Variants in PLEKHA8 observed in about 807,000 individuals in gnomAD.
PLEKHA8 encodes the protein pleckstrin homology domain containing A8.
In PLEKHA8, 36 loss-of-function variants were observed where a neutral mutation model predicts 68.2. The ratio of observed to expected loss-of-function variants is 0.53; its 90% CI spans 0.40 to 0.70. The LOEUF is 0.70. PLEKHA8 is among the 30% of genes least tolerant of loss of function. PLEKHA8 has a pLI of 0.00. For synonymous variants in PLEKHA8, 211 were observed against 216.1 expected, an observed-to-expected ratio of 0.98 and a Z score of 0.20; for missense variants, 505 against 615.4, an observed-to-expected ratio of 0.82 and a Z score of 1.90.
At chr7:30,075,438 A>T (rs897045914) in intron 13 of PLEKHA8, among the ~76,000 whole-genome samples, 13 of 152,148 alleles carry the variant, frequency 8.5e-5, no homozygotes, top group African/African-American at 3.1e-4. Context: ...AATTCTCAGG[A>T]TTAACTCCCA....
chr7:30,038,543 T>A (rs987828086), intron 1 of PLEKHA8, among the ~76,000 whole-genome samples: 1 of 152,164 alleles, frequency 6.6e-6, no homozygotes, highest in Non-Finnish European at 1.5e-5. Context: ...AAAGGAGTAA[T>A]ACAAGGGAAT....
At chr7:30,053,536 G>A (rs942058664) in intron 7 of PLEKHA8, among the ~76,000 whole-genome samples, 1 of 152,180 alleles carries the variant, frequency 6.6e-6, no homozygotes, top group Admixed American at 6.5e-5. Flanking sequence ...GGAAGGAGCT[G>A]TGTATTCTTA....
intron 6 of PLEKHA8, 61 bp from the exon 7 acceptor site, chr7:30,052,640 CAAAAAAAA>C (rs75714651): frequency 1.3e-4 from 142 of 1,066,756 alleles, no homozygotes; most frequent in Admixed American, 2.0e-4. Context: ...GACCCTGTTT[CAAAAAAAA>C]AAAAAAAAAA....
intron 1 of PLEKHA8, among the ~76,000 whole-genome samples, chr7:30,030,728 C>A (rs1346045691): frequency 1.3e-5 from 2 of 152,322 alleles, no homozygotes; most frequent in East Asian, 1.9e-4. Context: ...TCGGCATATT[C>A]TCTCCTTTTA....
intron 1 of PLEKHA8, among the ~76,000 whole-genome samples, chr7:30,029,417 ATGC>A (rs1177010382): frequency 5.3e-5 from 8 of 152,204 alleles, no homozygotes; most frequent in Non-Finnish European, 1.2e-4. Context: ...CGTTAAATGA[ATGC>A]AAATATTTGC....
At chr7:30,062,080 C>A in intron 11 of PLEKHA8, 53 bp downstream of exon 11, 1 of 1,560,554 alleles carries the variant, frequency 6.4e-7, no homozygotes, top group Non-Finnish European at 8.6e-7. Context: ...AAAAAATTAC[C>A]AGCAAAAAAA....
rs184932713 is a variant in PLEKHA8, at chr7:30,107,765, T to G, written c.1363-21501T>G. Among the ~76,000 whole-genome samples, 118 of 151,772 alleles carry G rather than the reference T, an allele frequency of 7.8e-4. 1 individual carries two copies. The highest frequency in any genetic ancestry group is 2.6e-3 in the African/African-American group (106 of 41,064). On this transcript the variant is annotated intron_variant, in intron 13 of 13. Coordinates refer to the PLEKHA8 transcript ENST00000396257. ...GTGATATTAATTATGAAGCAATGTT[T>G]AATATTACAAAAAAATTTTCTAACT...
intron 1 of PLEKHA8, among the ~76,000 whole-genome samples, chr7:30,043,038 C>T (rs1167101139): frequency 7.3e-6 from 1 of 137,828 alleles, no homozygotes; most frequent in Non-Finnish European, 1.6e-5. Flanking sequence ...AGGTCTCACT[C>T]TCACTCAGGT....
At position 30,081,927 on chromosome 7, in the gene PLEKHA8, A is replaced by G. The variant is rs1794951833; in HGVS notation, c.*3140A>G. 1.0e-6 allele frequency: 1 copy of G among 970,568 alleles called. No individual in the cohort carries two copies. Among genetic ancestry groups the G allele is most frequent in the Non-Finnish European group, 1.2e-6 (1 of 816,588 alleles). The allele number at this position is 970,568 out of a possible 1,614,324, so 60.1% of individuals were successfully genotyped here. A position where few individuals can be genotyped will look rare whatever the true frequency, so the allele number is the denominator to read the frequency against. ...GGCAAGTCTCTTGACTTTTGAAAGC[A>G]AGTCAGATTCCTTATAGCTAATGCT... On this transcript the variant is annotated 3_prime_UTR_variant, in exon 14 of 14. Transcript: ENST00000449726.
chr7:30,078,561 G>A, intron 13 of PLEKHA8, 29 bp from the exon 14 acceptor site: 3 of 1,610,632 alleles, frequency 1.9e-6, no homozygotes, highest in Non-Finnish European at 2.5e-6. Flanking sequence ...CAGACTTGAT[G>A]CAGATTCTCA....
downstream of PLEKHA8, among the ~76,000 whole-genome samples, chr7:30,087,128 G>A (rs1179315722): frequency 1.3e-4 from 20 of 152,170 alleles, no homozygotes. Flanking sequence ...CCAGCTTGTT[G>A]GAAAGGTTTT....
chr7:30,089,699 A>G (rs932717294), intron 12 of PLEKHA8, among the ~76,000 whole-genome samples: 2 of 152,182 alleles, frequency 1.3e-5, no homozygotes, highest in African/African-American at 4.8e-5. Flanking sequence ...AGGTGAAACC[A>G]ATATGGAAAA....
downstream of PLEKHA8, among the ~76,000 whole-genome samples, chr7:30,084,932 CTT>C (rs1795116779): frequency 6.8e-6 from 1 of 147,702 alleles, no homozygotes; most frequent in Admixed American, 6.8e-5. Flanking sequence ...ACTCCAAAAT[CTT>C]TTTCTTTTTC....
chr7:30,048,064 T>C, intron 4 of PLEKHA8, 108 bp downstream of exon 4: 1 of 643,734 alleles, frequency 1.6e-6, no homozygotes, highest in Non-Finnish European at 2.1e-6. Context: ...ATATTACTAA[T>C]ATACCTAAAA....
chr7:30,061,395 C>T (rs1391722136), intron 10 of PLEKHA8, among the ~76,000 whole-genome samples: 1 of 152,182 alleles, frequency 6.6e-6, no homozygotes, highest in East Asian at 1.9e-4. Context: ...GAGCCTCTTT[C>T]TTCCAGGTAA....
intron 9 of PLEKHA8, among the ~76,000 whole-genome samples, chr7:30,056,396 A>G (rs1212874362): frequency 7.0e-6 from 1 of 143,038 alleles, no homozygotes; most frequent in Non-Finnish European, 1.5e-5. Context: ...AATATATATA[A>G]CACATATATA....
intron 3 of PLEKHA8, 89 bp downstream of exon 3, chr7:30,046,454 C>T: frequency 7.0e-7 from 1 of 1,421,036 alleles, no homozygotes; most frequent in Non-Finnish European, 9.4e-7. Context: ...TGCTTCTGAC[C>T]ACCTAGCCAG....
At chr7:30,044,995 A>T in intron 1 of PLEKHA8, 90 bp from the exon 2 acceptor site, 1 of 809,394 alleles carries the variant, frequency 1.2e-6, no homozygotes, top group South Asian at 2.2e-5. Context: ...GAGCTAACCC[A>T]GTATCCTATG....
At chr7:30,036,407 A>ATAGAATAGATAG (rs1791083481) in intron 1 of PLEKHA8, among the ~76,000 whole-genome samples, 1 of 143,312 alleles carries the variant, frequency 7.0e-6, no homozygotes, top group African/African-American at 2.7e-5. Flanking sequence ...GATAGGATAG[A>ATAGAATAGATAG]ATAGATAGAT....
Sources: allele counts gnomAD v4.1 joint callset (sites outside exome capture counted in the v4.1 genomes callset), GRCh38; gene constraint gnomAD v4.1.1; transcripts MANE v1.5; gene names NCBI Gene and HGNC (gene_info 2026-07-23, HGNC 2026-07-21).